The following NOVA1 variants were observed in gnomAD, a reference collection of about 807,000 sequenced individuals.
NOVA1 encodes the protein RNA-binding protein Nova-1.
NOVA1 carries 7 observed loss-of-function variants against 38.0 expected under a neutral mutation model. The observed-to-expected ratio is 0.18, with a 90% CI of 0.10 to 0.35. NOVA1 has a LOEUF of 0.35. NOVA1 is among the 10% of genes least tolerant of loss of function. The pLI, the probability that NOVA1 is intolerant of heterozygous loss-of-function variation, is 1.00. For synonymous variants in NOVA1, 270 were observed against 232.5 expected (o/e 1.16, Z -1.47); for missense variants, 460 against 616.0 (o/e 0.75, Z 2.68).
chr14:26,476,535 T>C lies in NOVA1; in HGVS notation c.447+3442A>G, dbSNP rs986952146. Among the ~76,000 whole-genome samples, 8 of 152,240 alleles carry C rather than the reference T, an allele frequency of 5.3e-5. No individual in the cohort carries two copies. The South Asian group carries it at 1.7e-3, about 32-fold the overall frequency. On this transcript the variant is annotated intron_variant, in intron 3 of 4. Coordinates refer to ENST00000539517, the MANE Select transcript of NOVA1 (RefSeq NM_002515.3). ...TCTCCTTACTATTCAACAAATATGA[T>C]ACCCTTCTCCCCAAATTCACATCAT...
At chr14:26,539,736 AT>A (rs1193547301) in intron 2 of NOVA1, among the ~76,000 whole-genome samples, 1 of 151,606 alleles carries the variant, frequency 6.6e-6, no homozygotes, top group East Asian at 1.9e-4. Flanking sequence ...AACTCAAATA[AT>A]TTAACTAAAC....
At chr14:26,546,802 G>A (rs552062601) in intron 2 of NOVA1, among the ~76,000 whole-genome samples, 4 of 152,198 alleles carry the variant, frequency 2.6e-5, no homozygotes, top group East Asian at 1.9e-4. Context: ...GGAGGATCAC[G>A]AGGTCAGGAG....
At chr14:26,465,723 G>A (rs1884058620) in intron 4 of NOVA1, among the ~76,000 whole-genome samples, 1 of 152,002 alleles carries the variant, frequency 6.6e-6, no homozygotes, top group African/African-American at 2.4e-5. Flanking sequence ...AGAGCATATA[G>A]ACTTGTAAGC....
intron 2 of NOVA1, among the ~76,000 whole-genome samples, chr14:26,557,561 C>T (rs562973934): frequency 2.1e-4 from 31 of 147,568 alleles, no homozygotes; most frequent in South Asian, 8.6e-4. Context: ...TCTGTGGAGA[C>T]GGGGTTTCGC....
chr14:26,482,003 A>AAAAAC (rs1779339715), intron 2 of NOVA1, among the ~76,000 whole-genome samples: 7 of 150,880 alleles, frequency 4.6e-5, no homozygotes, highest in Admixed American at 4.6e-4. Flanking sequence ...AAAAAAAAAA[A>AAAAAC]AAAAAAAAAA....
chr14:26,528,901 A>G (rs182955082), intron 2 of NOVA1, among the ~76,000 whole-genome samples: 1 of 152,264 alleles, frequency 6.6e-6, no homozygotes, highest in African/African-American at 2.4e-5. Context: ...GTGGTGATGA[A>G]AAGTCTAGGA....
At chr14:26,479,943 A>T in intron 3 of NOVA1, 34 bp downstream of exon 3, 1 of 1,608,132 alleles carries the variant, frequency 6.2e-7, no homozygotes. Flanking sequence ...TATGCTGTGG[A>T]TATTTCTCTT....
At chr14:26,500,719 A>G (rs1566482443) in intron 2 of NOVA1, among the ~76,000 whole-genome samples, 1 of 152,026 alleles carries the variant, frequency 6.6e-6, no homozygotes, top group East Asian at 1.9e-4. Flanking sequence ...GAAATTGCAG[A>G]AAGTATTGTT....
intron 4 of NOVA1, among the ~76,000 whole-genome samples, chr14:26,450,388 C>T (rs1421402802): frequency 1.3e-5 from 2 of 151,872 alleles, no homozygotes; most frequent in Non-Finnish European, 2.9e-5. Flanking sequence ...ATAATACACA[C>T]ACACACACAC....
rs1881978980 is a variant in NOVA1 at position 26,445,210 on chromosome 14, T to C, written c.*2749A>G. The C allele has an allele frequency of 6.6e-6, 1 of 152,200 alleles. No individual in the cohort carries two copies. The highest frequency in any genetic ancestry group is 2.4e-5 in the African/African-American group (1 of 41,456). 9.4% of individuals were successfully genotyped at this position (152,200 alleles called of 1,614,324 possible). A position where few individuals can be genotyped will look rare whatever the true frequency, so the allele number is the denominator to read the frequency against. ...TATCATCAGTTTTCTCCATTTTGGA[T>C]CAGTACAGCTGAACAGCCATTGTTA... On this transcript the variant is annotated 3_prime_UTR_variant, in exon 5 of 5. Transcript: ENST00000539517.
At chr14:26,523,301 T>C (rs1408047731) in intron 2 of NOVA1, among the ~76,000 whole-genome samples, 2 of 152,238 alleles carry the variant, frequency 1.3e-5, no homozygotes, top group Non-Finnish European at 2.9e-5. Flanking sequence ...AATCTGGTAA[T>C]GTCAACATTT....
chr14:26,563,906 C>T (rs1456050866), intron 2 of NOVA1, among the ~76,000 whole-genome samples: 2 of 152,090 alleles, frequency 1.3e-5, no homozygotes, highest in East Asian at 3.9e-4. Flanking sequence ...AAAAAGCCTT[C>T]ATCCGGTGGT....
chr14:26,488,798 T>C (rs178205), intron 2 of NOVA1, among the ~76,000 whole-genome samples: 96,210 of 152,004 alleles, frequency 0.63, 32,996 homozygotes, highest in Non-Finnish European at 0.75. Flanking sequence ...CCCCTCAATA[T>C]CACCATTTTT....
At chr14:26,591,660 A>G (rs949214999) in intron 2 of NOVA1, among the ~76,000 whole-genome samples, 2 of 151,644 alleles carry the variant, frequency 1.3e-5, no homozygotes, top group African/African-American at 4.8e-5. Context: ...GCAAAAAATT[A>G]TCATAATTAT....
chr14:26,523,200 C>T (rs894348581), intron 2 of NOVA1, among the ~76,000 whole-genome samples: 2 of 152,170 alleles, frequency 1.3e-5, no homozygotes, highest in Non-Finnish European at 2.9e-5. Flanking sequence ...TGGTTGCAGC[C>T]TCATTTTTTA....
chr14:26,566,077 CGTT>C (rs1233338140), intron 2 of NOVA1, among the ~76,000 whole-genome samples: 4 of 151,856 alleles, frequency 2.6e-5, no homozygotes, highest in Non-Finnish European at 4.4e-5. Flanking sequence ...CCTTCAGAGT[CGTT>C]GTAAAATAAA....
At position 26,574,214 on chromosome 14, in the gene NOVA1, C is replaced by G. The variant is rs555228932; in HGVS notation, c.280+21196G>C. 2.8e-5 allele frequency among the ~76,000 whole-genome samples: 4 copies of G among 140,966 alleles called. No individual in the cohort carries two copies. In the Admixed American group the frequency reaches 2.9e-4, roughly 10 times the overall value. 92.5% of individuals were successfully genotyped at this position (140,966 alleles called of 152,430 possible). ...CTAATTTTTGTATTTTCAGTAGAGACGGGGTTTCACCATCTTGGCCAGGCT... is the reference window on the plus strand; with the variant it reads ...CTAATTTTTGTATTTTCAGTAGAGAGGGGGTTTCACCATCTTGGCCAGGCT... On this transcript the variant is annotated intron_variant, in intron 2 of 4. Coordinates refer to ENST00000539517, the MANE Select transcript of NOVA1 (RefSeq NM_002515.3).
At chr14:26,479,819 T>A in intron 3 of NOVA1, 158 bp downstream of exon 3, 1 of 673,274 alleles carries the variant, frequency 1.5e-6, no homozygotes, top group East Asian at 2.7e-5. Flanking sequence ...AATCTAAGGA[T>A]GAGACCTTGA....
At position 26,595,446 on chromosome 14, in the gene NOVA1, T is replaced by C. The variant is rs547020665; in HGVS notation, c.244A>G (p.Thr82Ala). Residue 82 changes from threonine to alanine, a missense_variant, in exon 2 of 5, where the codon ACC becomes GCC. Coordinates refer to ENST00000539517, the MANE Select transcript of NOVA1 (RefSeq NM_002515.3). ...TCTTTGGACTTAGACAGCTTGATGGTGGCTCCAGTTTCTTTTTGCAACTGA... is the reference window on the plus strand; with the variant it reads ...TCTTTGGACTTAGACAGCTTGATGGCGGCTCCAGTTTCTTTTTGCAACTGA... Reference protein sequence around the residue: ...IVQLQKETGATIKLSKSKDFY... With the variant: ...IVQLQKETGAAIKLSKSKDFY... 1.1e-5 allele frequency: 17 copies of C among 1,614,018 alleles called. No homozygotes were observed. In the East Asian group the frequency reaches 3.3e-4, roughly 32 times the overall value.
Sources: gnomAD v4.1 joint callset for allele counts (sites outside exome capture counted in the v4.1 genomes callset) on GRCh38, gnomAD v4.1.1 for gene constraint, MANE v1.5 for transcripts, NCBI Gene and HGNC (gene_info 2026-07-23, HGNC 2026-07-21) for gene names.